ADGRF5: variants seen among roughly 807,000 people sequenced by gnomAD.
The protein encoded by ADGRF5 is G-protein coupled receptor 116.
Under a neutral mutation model 132.3 loss-of-function variants are expected in ADGRF5, and 75 were observed. The observed-to-expected ratio is 0.57, with a 90% CI of 0.47 to 0.69. The LOEUF (loss-of-function observed/expected upper bound fraction) is 0.69, where lower values mean the gene tolerates loss of function less well. ADGRF5 is among the 30% of genes least tolerant of loss of function. The pLI is 0.00. For synonymous variants in ADGRF5, 629 were observed against 597.6 expected, an observed-to-expected ratio of 1.05 and a Z score of -0.77; for missense variants, 1,516 against 1,630.6, an observed-to-expected ratio of 0.93 and a Z score of 1.21.
At chr6:46,922,305 A>G (rs1777013707), upstream of ADGRF5, among the ~76,000 whole-genome samples, 1 of 152,190 alleles carries the variant, frequency 6.6e-6, no homozygotes, top group Non-Finnish European at 1.5e-5. Context: ...CCAAGAAAGC[A>G]GAGAAAAAAA....
At position 46,883,606 on chromosome 6, in the gene ADGRF5, T is replaced by G; in HGVS notation, c.565A>C (p.Thr189Pro). 1 of 1,608,988 alleles carries G rather than the reference T, an allele frequency of 6.2e-7. No homozygotes were observed. The highest frequency in any genetic ancestry group is 8.5e-7 in the Non-Finnish European group (1 of 1,178,434). The stretch of plus-strand genomic sequence containing the variant: ...TAGGACCTATAGAGGGCGGAGGAAG[T>G]GTTCATGAGGTCTTCTTGAAAGCCT... ...NVGFQEDLMN[T>P]SSALYRSYKT... The change falls in exon 6 of 21, where the codon ACT (threonine) becomes CCT (proline). Residue 189 changes from threonine (T) to proline (P), a missense_variant. By Grantham distance (38) the Thr-to-Pro change is conservative. Around this residue, in one of 2 missense-constraint regions of ADGRF5, gnomAD observed 945 missense variants for 929.4 expected, o/e 1.02. Transcript: ENST00000283296.
At position 46,888,460 on chromosome 6, in the gene ADGRF5, T is replaced by C. The variant is rs1385666476; in HGVS notation, c.203A>G (p.Glu68Gly). 6.2e-7 allele frequency: 1 copy of C among 1,613,202 alleles called. No homozygotes were observed. Among genetic ancestry groups the C allele is most frequent in the South Asian group, 1.1e-5 (1 of 91,072 alleles). Residue 68 changes from glutamate (E) to glycine (G), a missense_variant, in exon 4 of 21, where the codon GAG becomes GGG. By Grantham distance (98) the Glu-to-Gly change is moderately conservative. This residue lies in a region of ADGRF5 where 945 missense variants were observed against 929.4 expected (regional missense o/e 1.02). Transcript: ENST00000283296. ...PTAEEYTVNIEISFENASFLD... is the reference protein window; with the variant it reads ...PTAEEYTVNIGISFENASFLD... Reference sequence around the variant, plus strand: ...GAAGGATGCATTTTCAAAACTGATCTCAATATTAACAGTGTATTCTTCAGC... The same window carrying C: ...GAAGGATGCATTTTCAAAACTGATCCCAATATTAACAGTGTATTCTTCAGC...
chr6:46,926,282 G>A (rs1777236371), upstream of ADGRF5, among the ~76,000 whole-genome samples: 2 of 152,090 alleles, frequency 1.3e-5, no homozygotes, highest in African/African-American at 4.8e-5. Context: ...TTTTGCCCTG[G>A]AAGATTGCAA....
intron 1 of ADGRF5, among the ~76,000 whole-genome samples, chr6:46,931,271 A>G (rs1777544672): frequency 6.6e-6 from 1 of 151,990 alleles, no homozygotes; most frequent in Non-Finnish European, 1.5e-5. Flanking sequence ...CCCCTCATTT[A>G]CTGAAACATT....
intron 1 of ADGRF5, among the ~76,000 whole-genome samples, chr6:46,950,584 A>G (rs1053963149): frequency 3.9e-5 from 6 of 152,090 alleles, no homozygotes; most frequent in African/African-American, 1.4e-4. Context: ...GCACAATCTC[A>G]GCTCACTGAA....
At position 46,853,281 on chromosome 6, in the gene ADGRF5, GT is replaced by G. The variant is rs1562126766; in HGVS notation, c.*710del. On this transcript the variant is annotated 3_prime_UTR_variant, in exon 21 of 21. Coordinates refer to ENST00000283296, the MANE Select transcript of ADGRF5 (RefSeq NM_001098518.2). ...TAAATATTGTTATCCACTTGAAGTC[GT>G]TCTGATGAAGGAATTTCCTCCCTAT... is the stretch of plus-strand genomic sequence containing the variant. 6.6e-6 allele frequency: 1 copy of G among 151,706 alleles called. No homozygotes were observed. Among genetic ancestry groups the G allele is most frequent in the Non-Finnish European group, 1.5e-5 (1 of 67,956 alleles). The allele number at this position is 151,706 out of a possible 1,614,324, so 9.4% of individuals were successfully genotyped here. A position where few individuals can be genotyped will look rare whatever the true frequency, so the allele number is the denominator to read the frequency against.
intron 1 of ADGRF5, among the ~76,000 whole-genome samples, chr6:46,951,190 G>GACATT: frequency 6.6e-6 from 1 of 152,226 alleles, no homozygotes; most frequent in African/African-American, 2.4e-5. Context: ...TTGCTGAAAG[G>GACATT]CAGCTGTAGA....
intron 7 of ADGRF5, among the ~76,000 whole-genome samples, 167 bp from the exon 8 acceptor site, chr6:46,881,764 C>T (rs1441768613): frequency 6.6e-6 from 1 of 152,220 alleles, no homozygotes; most frequent in African/African-American, 2.4e-5. Context: ...GACATCATTG[C>T]ATGGCATTAT....
At chr6:46,863,196 AT>A in intron 14 of ADGRF5, 100 bp from the exon 15 acceptor site, 2 of 906,284 alleles carry the variant, frequency 2.2e-6, no homozygotes, top group Non-Finnish European at 3.6e-6. Context: ...TTGAATTCAC[AT>A]TTACCTTTAC....
chr6:46,884,666 A>G (rs1443712504), intron 4 of ADGRF5, among the ~76,000 whole-genome samples: 3 of 152,236 alleles, frequency 2.0e-5, no homozygotes, highest in Non-Finnish European at 4.4e-5. Context: ...GGATTGGTCT[A>G]TGTAATCAAC....
chr6:46,943,853 C>T (rs955144017), intron 1 of ADGRF5, among the ~76,000 whole-genome samples: 5 of 152,104 alleles, frequency 3.3e-5, no homozygotes, highest in Admixed American at 1.3e-4. Context: ...TGGTACAAAG[C>T]GATACAGAAT....
intron 2 of ADGRF5, among the ~76,000 whole-genome samples, chr6:46,901,972 T>A (rs907502589): frequency 6.6e-6 from 1 of 152,080 alleles, no homozygotes; most frequent in Admixed American, 6.6e-5. Context: ...TGTATTAAAG[T>A]CAATAGGAAA....
At chr6:46,922,410 T>C (rs768930686), upstream of ADGRF5, among the ~76,000 whole-genome samples, 9 of 152,224 alleles carry the variant, frequency 5.9e-5, no homozygotes, top group Non-Finnish European at 1.2e-4. Flanking sequence ...GGACGTCCAG[T>C]TCTCCTAGGT....
At chr6:46,872,269 C>T (rs899365704) in intron 10 of ADGRF5, among the ~76,000 whole-genome samples, 1 of 152,096 alleles carries the variant, frequency 6.6e-6, no homozygotes, top group African/African-American at 2.4e-5. Flanking sequence ...CTTCAGTTCT[C>T]CAGATGTAAA....
intron 10 of ADGRF5, among the ~76,000 whole-genome samples, chr6:46,876,869 T>C (rs1771714109): frequency 6.6e-6 from 1 of 151,448 alleles, no homozygotes; most frequent in South Asian, 2.1e-4. Flanking sequence ...CCTCTGAAAG[T>C]GCTGGGATTA....
chr6:46,906,074 G>A (rs1474001825), intron 2 of ADGRF5, among the ~76,000 whole-genome samples: 2 of 152,112 alleles, frequency 1.3e-5, no homozygotes, highest in African/African-American at 2.4e-5. Context: ...AGGAATAAGG[G>A]GGTACTTATC....
chr6:46,923,617 GTATTTTGGTTGT>G (rs1268123825), upstream of ADGRF5, among the ~76,000 whole-genome samples: 3 of 152,154 alleles, frequency 2.0e-5, no homozygotes, highest in Non-Finnish European at 4.4e-5. Flanking sequence ...TTTCCTGCTC[GTATTTTGGTTGT>G]TGGGTGCAGC....
At chr6:46,907,162 T>C (rs554482712) in intron 1 of ADGRF5, among the ~76,000 whole-genome samples, 2 of 152,346 alleles carry the variant, frequency 1.3e-5, no homozygotes, top group East Asian at 3.9e-4. Context: ...TTTCCACATT[T>C]TTAATTTAAT....
rs371807361 is a variant in ADGRF5 at position 46,930,551 on chromosome 6, G to A, written c.-24-23765C>T. 7.9e-5 allele frequency among the ~76,000 whole-genome samples: 12 copies of A among 152,102 alleles called. No individual in the cohort carries two copies. The East Asian group carries it at 1.7e-3, about 22-fold the overall frequency. ...GAAATGGTGTGGGGATGGTATTTCC[G>A]AGAGCAGTTATTTATGGGCTGGCAT... On this transcript the variant is annotated intron_variant, in intron 1 of 20. Transcript: ENST00000265417.
Sources: gnomAD v4.1 joint callset for allele counts (sites outside exome capture counted in the v4.1 genomes callset) on GRCh38, gnomAD v4.1.1 for gene constraint, gnomAD v4.1.1 regional missense constraint, MANE v1.5 for transcripts, NCBI Gene and HGNC (gene_info 2026-07-23, HGNC 2026-07-21) for gene names.